Variants in CLASP1 observed in about 807,000 individuals in gnomAD.
CLASP1 encodes the protein CLIP-associating protein 1.
A neutral mutation model predicts 192.3 loss-of-function variants in CLASP1; 38 were observed. The observed-to-expected ratio is 0.20, with a 90% CI of 0.15 to 0.26. The LOEUF is 0.26. Among genes scored for constraint, CLASP1 ranks in the 10% least tolerant of loss-of-function variants. The probability of loss-of-function intolerance (pLI) is 1.00; values close to 1 mark genes in which losing one functional copy is unlikely to be tolerated. For missense variants in CLASP1, 1,433 were observed against 1,932.5 expected (o/e 0.74, Z 4.85); for synonymous variants, 691 against 712.8 (o/e 0.97, Z 0.49).
chr2:121,449,389 C>G (rs2084973524), intron 16 of CLASP1, among the ~76,000 whole-genome samples: 1 of 152,170 alleles, frequency 6.6e-6, no homozygotes. Context: ...ACTTGCAAAA[C>G]TGGGGAATCT....
At chr2:121,345,092 G>A (rs949365256) in intron 39 of CLASP1, among the ~76,000 whole-genome samples, 2 of 152,218 alleles carry the variant, frequency 1.3e-5, no homozygotes, top group Non-Finnish European at 2.9e-5. Flanking sequence ...CTGGGAGACA[G>A]AGGTTGTCTG....
intron 23 of CLASP1, among the ~76,000 whole-genome samples, chr2:121,412,402 T>C (rs2149517991): frequency 6.6e-6 from 1 of 152,122 alleles, no homozygotes; most frequent in East Asian, 1.9e-4. Flanking sequence ...CTATATCAGT[T>C]GAAATATGAA....
chr2:121,606,833 C>T (rs1035711007), intron 1 of CLASP1, among the ~76,000 whole-genome samples: 55 of 152,066 alleles, frequency 3.6e-4, no homozygotes, highest in Non-Finnish European at 5.9e-4. Context: ...CACGGCAGGC[C>T]GATCATTTGA....
chr2:121,516,456 G>T (rs2094295445), intron 6 of CLASP1, among the ~76,000 whole-genome samples: 1 of 152,210 alleles, frequency 6.6e-6, no homozygotes, highest in South Asian at 2.1e-4. Flanking sequence ...CCTGTGCAAA[G>T]GCACGAAAGC....
intron 19 of CLASP1, 73 bp downstream of exon 19, chr2:121,447,264 A>G: frequency 7.4e-7 from 1 of 1,352,222 alleles, no homozygotes; most frequent in South Asian, 1.4e-5. Context: ...ATGGGTTTGT[A>G]TTTTGCTAAG....
At chr2:121,391,227 T>G (rs545593201) in intron 30 of CLASP1, among the ~76,000 whole-genome samples, 1 of 152,366 alleles carries the variant, frequency 6.6e-6, no homozygotes, top group Non-Finnish European at 1.5e-5. Flanking sequence ...TGTTTGAAAT[T>G]AGTACACAGT....
At chr2:121,403,817 T>C (rs1229441693) in intron 26 of CLASP1, 1 of 463,030 alleles carries the variant, frequency 2.2e-6, no homozygotes, top group Non-Finnish European at 4.4e-6. Flanking sequence ...TAGTGTTCCC[T>C]ATGGCCCTCA....
chr2:121,403,995 T>C (rs934391921), intron 26 of CLASP1, among the ~76,000 whole-genome samples: 2 of 152,212 alleles, frequency 1.3e-5, no homozygotes, highest in African/African-American at 4.8e-5. Flanking sequence ...AATAATTATA[T>C]ACTTATTTTC....
chr2:121,430,225 C>T (rs1193551736), intron 19 of CLASP1, 48 bp from the exon 20 acceptor site: 4 of 1,388,780 alleles, frequency 2.9e-6, no homozygotes, highest in Admixed American at 2.0e-5. Context: ...CCAGTAAGTG[C>T]CACCTCCTCA....
At chr2:121,385,806 A>C (rs2073063267) in intron 32 of CLASP1, among the ~76,000 whole-genome samples, 1 of 152,246 alleles carries the variant, frequency 6.6e-6, no homozygotes, top group South Asian at 2.1e-4. Context: ...CTCCACTAGA[A>C]AAGATAATTT....
chr2:121,572,312 C>T (rs2060053685), intron 2 of CLASP1, among the ~76,000 whole-genome samples: 1 of 152,122 alleles, frequency 6.6e-6, no homozygotes, highest in African/African-American at 2.4e-5. Flanking sequence ...CCTGTAGTCC[C>T]AGCTACTCAG....
At chr2:121,428,575 C>CA (rs1041677966) in intron 20 of CLASP1, among the ~76,000 whole-genome samples, 1 of 152,186 alleles carries the variant, frequency 6.6e-6, no homozygotes, top group Non-Finnish European at 1.5e-5. Flanking sequence ...GTTCCCACGA[C>CA]AGACACTTCT....
At position 121,559,037 on chromosome 2, in the gene CLASP1, G is replaced by A. The variant is rs113591097; in HGVS notation, c.196-28712C>T. On this transcript the variant is annotated intron_variant, in intron 2 of 39. Transcript: ENST00000263710. ...AGTACCTGAAAGCCATCCCCTGTCT[G>A]AATTCACACAGAAAACTTTTAGAGC... Among the ~76,000 whole-genome samples, 1,088 of 152,338 alleles carry A rather than the reference G, an allele frequency of 7.1e-3. 14 individuals carry two copies. The highest frequency in any genetic ancestry group is 0.039 in the Admixed American group (595 of 15,296).
rs1301434399 is a variant in CLASP1, at chr2:121,369,113, A to T, written c.3643-1282T>A. ...TATACCACATTTTGTTTATCTGTTC[A>T]TCTGCTGATGGGCACTTGGATTGCT... On this transcript the variant is annotated intron_variant, in intron 34 of 39. Transcript: ENST00000263710. Among the ~76,000 whole-genome samples, 4 of 152,340 alleles carry T rather than the reference A, an allele frequency of 2.6e-5. No individual in the cohort carries two copies. In the East Asian group the frequency reaches 7.7e-4, roughly 29 times the overall value.
At chr2:121,485,395 G>T (rs915637430) in intron 8 of CLASP1, among the ~76,000 whole-genome samples, 46 of 152,318 alleles carry the variant, frequency 3.0e-4, no homozygotes, top group Middle Eastern at 3.4e-3. Context: ...ATGCACACAG[G>T]TTATCACAGC....
At chr2:121,414,897 G>A (rs1232513722) in intron 23 of CLASP1, among the ~76,000 whole-genome samples, 1 of 152,108 alleles carries the variant, frequency 6.6e-6, no homozygotes, top group Non-Finnish European at 1.5e-5. Context: ...AGATCCGCCT[G>A]CCTCAGCCTC....
At chr2:121,402,030 G>A (rs2076224123) in intron 26 of CLASP1, among the ~76,000 whole-genome samples, 160 bp from the exon 28 acceptor site, 1 of 152,120 alleles carries the variant, frequency 6.6e-6, no homozygotes, top group South Asian at 2.1e-4. Flanking sequence ...TCTTTAAAAA[G>A]CAGTACAGAG....
rs141149483 is a variant in CLASP1, at chr2:121,471,674, G to A, written c.713-1714C>T. Among the ~76,000 whole-genome samples, 27 of 152,230 alleles carry A rather than the reference G, an allele frequency of 1.8e-4. No individual in the cohort carries two copies. In the East Asian group the frequency reaches 4.1e-3, roughly 23 times the overall value. On this transcript the variant is annotated intron_variant, in intron 8 of 39. Transcript: ENST00000263710. Reference sequence around the variant, plus strand: ...CATGGTTCAGTTTATTCAACACAGCGTAGGGGGAGGAGGAAAGACATCTTC... The same window carrying A: ...CATGGTTCAGTTTATTCAACACAGCATAGGGGGAGGAGGAAAGACATCTTC...
chr2:121,462,627 A>C (rs914135693), intron 9 of CLASP1, 22 bp from the exon 10 acceptor site: 5 of 1,454,214 alleles, frequency 3.4e-6, no homozygotes, highest in Admixed American at 1.8e-5. Flanking sequence ...AATTTTAAAA[A>C]TGTAAACAAT....
Sources: gnomAD v4.1 joint callset for allele counts (sites outside exome capture counted in the v4.1 genomes callset) on GRCh38, gnomAD v4.1.1 for gene constraint, MANE v1.5 for transcripts, NCBI Gene and HGNC (gene_info 2026-07-23, HGNC 2026-07-21) for gene names.